DMD: variants seen among roughly 807,000 people sequenced by gnomAD.
DMD encodes dystrophin, also known as mutant dystrophin.
DMD carries 63 observed loss-of-function variants against 330.1 expected under a neutral mutation model. The observed-to-expected ratio is 0.19, with a 90% CI of 0.16 to 0.24. The LOEUF is 0.24. DMD is among the 10% of genes least tolerant of loss of function. DMD has a pLI of 1.00. For missense variants in DMD, 3,344 were observed against 2,684.1 expected, an observed-to-expected ratio of 1.25 and a Z score of -5.43; for synonymous variants, 1,223 against 959.8, an observed-to-expected ratio of 1.27 and a Z score of -5.07.
chrX:32,139,524 T>C (rs1469397740), intron 44 of DMD, among the ~76,000 whole-genome samples: 2 of 112,472 alleles, frequency 1.8e-5, no homozygotes, highest in African/African-American at 6.5e-5. Flanking sequence ...TTTATCTTGA[T>C]AGTGGTAGTA....
chrX:31,149,627 G>A (rs1300031007), intron 74 of DMD, among the ~76,000 whole-genome samples: 1 of 111,735 alleles, frequency 8.9e-6, no homozygotes, highest in Non-Finnish European at 1.9e-5. Context: ...CATTAATAAT[G>A]TTTTACTTGT....
intron 13 of DMD, among the ~76,000 whole-genome samples, chrX:32,579,623 G>A (rs1312743908): frequency 8.9e-6 from 1 of 112,670 alleles, no homozygotes; most frequent in Non-Finnish European, 1.9e-5. Flanking sequence ...AGTTTGACTA[G>A]ATTTAACATT....
intron 20 of DMD, among the ~76,000 whole-genome samples, chrX:32,489,425 G>A (rs2042783768): frequency 9.0e-6 from 1 of 110,748 alleles, no homozygotes; most frequent in South Asian, 3.9e-4. Context: ...AAGAAAAATA[G>A]CCCTCATTCT....
At chrX:32,557,493 G>A (rs971694558) in intron 16 of DMD, among the ~76,000 whole-genome samples, 1 of 111,699 alleles carries the variant, frequency 9.0e-6, no homozygotes, top group Non-Finnish European at 1.9e-5. Flanking sequence ...GTGGATCAAG[G>A]CTTTTCATTG....
At chrX:32,897,061 A>AT (rs2046512468) in intron 2 of DMD, among the ~76,000 whole-genome samples, 1 of 107,843 alleles carries the variant, frequency 9.3e-6, no homozygotes, top group Admixed American at 1.0e-4. Flanking sequence ...TTACAAAAAT[A>AT]TATTTTTTTC....
At chrX:31,952,857 T>C (rs1428703315) in intron 45 of DMD, among the ~76,000 whole-genome samples, 2 of 112,278 alleles carry the variant, frequency 1.8e-5, no homozygotes, top group Non-Finnish European at 3.8e-5. Context: ...GTTTTTTAAA[T>C]TGAAGTTTTA....
chrX:32,125,947 C>T (rs997573583), intron 44 of DMD, among the ~76,000 whole-genome samples: 1 of 112,017 alleles, frequency 8.9e-6, no homozygotes, highest in African/African-American at 3.2e-5. Context: ...AATATTTAGG[C>T]CCCATCCCAG....
intron 2 of DMD, among the ~76,000 whole-genome samples, chrX:32,891,919 C>T (rs752251007): frequency 1.3e-4 from 14 of 111,219 alleles, no homozygotes; most frequent in Admixed American, 1.9e-4. Context: ...CTGCCATCCT[C>T]TCGCGTCATA....
intron 55 of DMD, among the ~76,000 whole-genome samples, chrX:31,549,133 C>T (rs1603354443): frequency 9.0e-6 from 1 of 110,615 alleles, no homozygotes; most frequent in East Asian, 2.8e-4. Flanking sequence ...AGAAACATTC[C>T]CGTGAATGCA....
intron 55 of DMD, among the ~76,000 whole-genome samples, chrX:31,523,436 G>C (rs1234457126): frequency 1.8e-5 from 2 of 111,152 alleles, no homozygotes; most frequent in Non-Finnish European, 1.9e-5. Flanking sequence ...GAATACATTG[G>C]AAAATGGCAC....
intron 29 of DMD, chrX:32,412,260 T>TTGTCTTTAC: frequency 2.0e-6 from 2 of 979,557 alleles, no homozygotes; most frequent in African/African-American, 3.9e-5. Context: ...CATTATATAG[T>TTGTCTTTAC]TCAAGAGATT....
chrX:32,472,530 C>A (rs2040764156), intron 21 of DMD, among the ~76,000 whole-genome samples: 2 of 111,264 alleles, frequency 1.8e-5, no homozygotes, highest in South Asian at 7.5e-4. Context: ...ACAAATCAGC[C>A]TGTAAAATCT....
chrX:32,418,356 A>T (rs972625381), intron 29 of DMD, among the ~76,000 whole-genome samples: 1 of 111,474 alleles, frequency 9.0e-6, no homozygotes, highest in Non-Finnish European at 1.9e-5. Flanking sequence ...GGTTTACGGG[A>T]GGTCTGAAGA....
At chrX:32,293,024 C>A (rs1285114219) in intron 42 of DMD, among the ~76,000 whole-genome samples, 1 of 112,577 alleles carries the variant, frequency 8.9e-6, no homozygotes, top group African/African-American at 3.2e-5. Flanking sequence ...TCAAGGCATT[C>A]TCTTCCAGTC....
At chrX:33,041,553 G>T in intron 1 of DMD, 1 of 1,208,662 alleles carries the variant, frequency 8.3e-7, no homozygotes. Context: ...TCAAAAAGCA[G>T]GCAGAGATCC....
intron 50 of DMD, among the ~76,000 whole-genome samples, chrX:31,778,928 T>C (rs940788249): frequency 6.3e-5 from 7 of 111,921 alleles, no homozygotes; most frequent in Non-Finnish European, 3.8e-5. Flanking sequence ...CAGATGCGTT[T>C]ACCTTTATCT....
intron 63 of DMD, among the ~76,000 whole-genome samples, chrX:31,247,620 AT>A (rs1202839032): frequency 2.0e-5 from 2 of 99,101 alleles, no homozygotes; most frequent in African/African-American, 7.4e-5. Flanking sequence ...AAAAAAAAAA[AT>A]CTCTGGAAGT....
intron 50 of DMD, among the ~76,000 whole-genome samples, chrX:31,804,990 T>C (rs939458403): frequency 9.0e-6 from 1 of 110,906 alleles, no homozygotes; most frequent in Non-Finnish European, 1.9e-5. Flanking sequence ...TTTCTAGGAG[T>C]CTAGGAATCA....
At chrX:31,319,512 G>A (rs1369144208) in intron 62 of DMD, among the ~76,000 whole-genome samples, 1 of 112,078 alleles carries the variant, frequency 8.9e-6, no homozygotes, top group African/African-American at 3.2e-5. Flanking sequence ...AGCTGAAGTG[G>A]GGAATAGGAA....
Sources: allele counts gnomAD v4.1 joint callset (sites outside exome capture counted in the v4.1 genomes callset), GRCh38; gene constraint gnomAD v4.1.1; transcripts MANE v1.5; gene names NCBI Gene and HGNC (gene_info 2026-07-23, HGNC 2026-07-21).